Variants in CACNA1D observed in about 807,000 individuals in gnomAD.
CACNA1D encodes the protein calcium voltage-gated channel subunit alpha1 D, also known as voltage-dependent L-type calcium channel subunit alpha-1D.
A neutral mutation model predicts 257.1 loss-of-function variants in CACNA1D; 55 were observed. The observed-to-expected ratio is 0.21, with a 90% CI of 0.17 to 0.27. CACNA1D has a LOEUF of 0.27. CACNA1D is among the 10% of genes least tolerant of loss of function. The pLI is 1.00. For missense variants in CACNA1D, 1,876 were observed against 2,784.0 expected (o/e 0.67, Z 7.34); for synonymous variants, 980 against 1,014.9 (o/e 0.97, Z 0.65).
intron 4 of CACNA1D, among the ~76,000 whole-genome samples, chr3:53,659,138 G>C (rs561482928): frequency 2.0e-4 from 31 of 152,154 alleles, no homozygotes; most frequent in Non-Finnish European, 3.7e-4. Flanking sequence ...TACTTACTCT[G>C]AAAAACGAGC....
At chr3:53,777,487 G>A (rs1252655030) in intron 37 of CACNA1D, among the ~76,000 whole-genome samples, 1 of 152,210 alleles carries the variant, frequency 6.6e-6, no homozygotes, top group Non-Finnish European at 1.5e-5. Context: ...AGGAGAGCCA[G>A]AACGAAGGCA....
intron 3 of CACNA1D, among the ~76,000 whole-genome samples, chr3:53,544,880 C>T (rs920955803): frequency 2.6e-5 from 4 of 152,144 alleles, no homozygotes; most frequent in Admixed American, 6.5e-5. Context: ...GAAGTGGGGC[C>T]ACTGGAGCGT....
intron 3 of CACNA1D, among the ~76,000 whole-genome samples, chr3:53,631,005 G>C (rs1195281649): frequency 1.3e-5 from 2 of 152,224 alleles, no homozygotes; most frequent in South Asian, 2.1e-4. Context: ...GCCTTCAGCA[G>C]GTCATAATCT....
intron 45 of CACNA1D, chr3:53,807,712 G>C (rs926684464): frequency 6.6e-6 from 1 of 152,362 alleles, no homozygotes; most frequent in African/African-American, 2.4e-5. Flanking sequence ...CTGATCTCCC[G>C]GGCCTGGTGC....
intron 33 of CACNA1D, among the ~76,000 whole-genome samples, chr3:53,773,116 A>T (rs2095375772): frequency 6.6e-6 from 1 of 152,234 alleles, no homozygotes; most frequent in Non-Finnish European, 1.5e-5. Context: ...ATGCACCAGG[A>T]AAAACTGCAT....
At chr3:53,726,591 C>A (rs1048462017) in intron 14 of CACNA1D, among the ~76,000 whole-genome samples, 32 of 152,258 alleles carry the variant, frequency 2.1e-4, no homozygotes, top group African/African-American at 7.2e-4. Context: ...GAGCTGAGAT[C>A]AAGCCACTGC....
At chr3:53,803,657 C>T (rs2095547687) in intron 44 of CACNA1D, 85 bp downstream of exon 44, 1 of 1,404,368 alleles carries the variant, frequency 7.1e-7, no homozygotes, top group African/African-American at 1.4e-5. Flanking sequence ...CCACCGGCAG[C>T]TGCACTTGGG....
chr3:53,704,034 G>A (rs1057009134), intron 9 of CACNA1D, among the ~76,000 whole-genome samples: 1 of 152,192 alleles, frequency 6.6e-6, no homozygotes, highest in African/African-American at 2.4e-5. Context: ...AGGGAGGCGT[G>A]GAGGTGGACA....
At chr3:53,555,355 C>T (rs959346717) in intron 3 of CACNA1D, among the ~76,000 whole-genome samples, 3 of 151,880 alleles carry the variant, frequency 2.0e-5, no homozygotes, top group East Asian at 1.9e-4. Context: ...GGGCTTTGCC[C>T]GTGGAGTTCA....
intron 20 of CACNA1D, among the ~76,000 whole-genome samples, chr3:53,736,794 G>A: frequency 6.6e-6 from 1 of 151,724 alleles, no homozygotes; most frequent in African/African-American, 2.4e-5. Flanking sequence ...AGGCTGAGGT[G>A]GGAGGATTGC....
chr3:53,804,707 G>A (rs1476542036), intron 44 of CACNA1D, among the ~76,000 whole-genome samples: 1 of 152,218 alleles, frequency 6.6e-6, no homozygotes, highest in African/African-American at 2.4e-5. Flanking sequence ...AAATGAGTGG[G>A]TGAGAGCCTG....
chr3:53,707,129 T>TGGAGATGC (rs1559546712), intron 9 of CACNA1D, among the ~76,000 whole-genome samples: 2 of 151,998 alleles, frequency 1.3e-5, no homozygotes, highest in Admixed American at 6.6e-5. Flanking sequence ...ATCAAGTACT[T>TGGAGATGC]GGAGATGCGC....
At chr3:53,585,328 G>A (rs775129040) in intron 3 of CACNA1D, among the ~76,000 whole-genome samples, 5 of 152,052 alleles carry the variant, frequency 3.3e-5, no homozygotes. Context: ...AGTCAGGCTG[G>A]GGCATTCATC....
Position 53,789,080 on chromosome 3 carries a change from GTTGTGGGT to G in CACNA1D, c.4923+2130_4923+2137del, listed in dbSNP as rs2095471140. Among the ~76,000 whole-genome samples, 1 of 152,190 alleles carries G rather than the reference GTTGTGGGT, an allele frequency of 6.6e-6. No individual in the cohort carries two copies. The highest frequency in any genetic ancestry group is 1.5e-5 in the Non-Finnish European group (1 of 68,052). ...AATGGCATGAATGATACAGCGGCAG[GTTGTGGGT>G]TAAAAGACTCTTTTTGTGTTGCAAT... is the stretch of plus-strand genomic sequence containing the variant. On this transcript the variant is annotated intron_variant, in intron 40 of 47. Transcript: ENST00000350061. This position sits in a 1 kb window ranked among gnomAD's most constrained non-coding sequence, Gnocchi z 4.2.
rs1030035077 is a variant in CACNA1D at position 53,600,959 on chromosome 3, C to T, written c.484-49820C>T. On this transcript the variant is annotated intron_variant, in intron 3 of 47. Transcript: ENST00000350061. The stretch of plus-strand genomic sequence containing the variant: ...CCAGCGGTGAGTCCATTGTGTTTTT[C>T]CTTTATTGGCAACCCTAACGTGTTG... 5.9e-5 allele frequency among the ~76,000 whole-genome samples: 9 copies of T among 152,232 alleles called. No homozygotes were observed. In the East Asian group the frequency reaches 1.7e-3, roughly 29 times the overall value.
intron 37 of CACNA1D, among the ~76,000 whole-genome samples, chr3:53,779,021 G>A (rs1489295395): frequency 3.3e-5 from 5 of 152,082 alleles, no homozygotes; most frequent in East Asian, 1.9e-4. Context: ...GCTTGGAGCC[G>A]GGCACGGTGG....
At chr3:53,588,586 C>G (rs2093255820) in intron 3 of CACNA1D, among the ~76,000 whole-genome samples, 1 of 152,164 alleles carries the variant, frequency 6.6e-6, no homozygotes, top group Non-Finnish European at 1.5e-5. Flanking sequence ...GTCAGTGTCT[C>G]TAGCTGCGAC....
At chr3:53,702,895 C>A in intron 9 of CACNA1D, 85 bp downstream of exon 9, 2 of 1,473,352 alleles carry the variant, frequency 1.4e-6, no homozygotes, top group Non-Finnish European at 9.4e-7. Context: ...CGACTCTGAC[C>A]CAGGCTGTGA....
At chr3:53,738,482 A>T (rs544412012) in intron 20 of CACNA1D, among the ~76,000 whole-genome samples, 1 of 152,248 alleles carries the variant, frequency 6.6e-6, no homozygotes, top group Admixed American at 6.5e-5. Context: ...ATTCCATCAT[A>T]AAAAAAGGAC....
Sources: gnomAD v4.1 joint callset for allele counts (sites outside exome capture counted in the v4.1 genomes callset) on GRCh38, gnomAD v4.1.1 for gene constraint, Gnocchi (gnomAD v3.1) non-coding constraint, MANE v1.5 for transcripts, NCBI Gene and HGNC (gene_info 2026-07-23, HGNC 2026-07-21) for gene names.